Variants in ANKRD44 observed in about 807,000 individuals in gnomAD.
ANKRD44 encodes ankyrin repeat domain 44.
Under a neutral mutation model 116.0 loss-of-function variants are expected in ANKRD44, and 35 were observed. The observed-to-expected ratio is 0.30, with a 90% CI of 0.23 to 0.40. The LOEUF (loss-of-function observed/expected upper bound fraction) is 0.40, where lower values mean the gene tolerates loss of function less well. Ranked by LOEUF, ANKRD44 falls within the 10% of genes least tolerant of loss-of-function variation. The probability of loss-of-function intolerance (pLI) is 1.00; values close to 1 mark genes in which losing one functional copy is unlikely to be tolerated. For synonymous variants in ANKRD44, 435 were observed against 461.8 expected, an observed-to-expected ratio of 0.94 and a Z score of 0.74; for missense variants, 1,014 against 1,242.6, an observed-to-expected ratio of 0.82 and a Z score of 2.77.
rs2075875827 is a variant in ANKRD44, at chr2:196,989,218, A to G, written c.*373T>C. ...TGGATGTTTCCTCACCATTTGTTTC[A>G]TTTCAAATAAATATAAACACATTTA... On this transcript the variant is annotated 3_prime_UTR_variant, in exon 28 of 28. Coordinates refer to ENST00000282272, the MANE Select transcript of ANKRD44 (RefSeq NM_001195144.2). The G allele has an allele frequency of 2.0e-6, 2 of 982,550 alleles. No homozygotes were observed. Among genetic ancestry groups the G allele is most frequent in the Non-Finnish European group, 2.4e-6 (2 of 828,050 alleles). The allele number at this position is 982,550 out of a possible 1,614,324, so 60.9% of individuals were successfully genotyped here.
At chr2:197,274,909 T>C (rs72928790) in intron 1 of ANKRD44, among the ~76,000 whole-genome samples, 34,686 of 151,708 alleles carry the variant, frequency 0.23, 4,156 homozygotes, top group Middle Eastern at 0.3. Flanking sequence ...GCCTGGGCAA[T>C]ATAGAGAAAC....
intron 21 of ANKRD44, among the ~76,000 whole-genome samples, chr2:196,968,659 C>A (rs918737836): frequency 6.6e-6 from 1 of 152,196 alleles, no homozygotes; most frequent in Non-Finnish European, 1.5e-5. Flanking sequence ...GAACATACCT[C>A]ATTTATCTGG....
At chr2:197,108,863 AACAAC>A (rs1355917865) in intron 9 of ANKRD44, among the ~76,000 whole-genome samples, 4 of 148,420 alleles carry the variant, frequency 2.7e-5, no homozygotes, top group African/African-American at 7.9e-5. Context: ...CAACAACAAC[AACAAC>A]AACAAAAACA....
Position 196,987,496 on chromosome 2 carries a change from A to G in ANKRD44, c.*2095T>C. 1.0e-6 allele frequency: 1 copy of G among 985,374 alleles called. No homozygotes were observed. Among genetic ancestry groups the G allele is most frequent in the African/African-American group, 1.7e-5 (1 of 57,380 alleles). 61.0% of individuals were successfully genotyped at this position (985,374 alleles called of 1,614,324 possible). On this transcript the variant is annotated 3_prime_UTR_variant, in exon 28 of 28. Coordinates refer to ENST00000282272, the MANE Select transcript of ANKRD44 (RefSeq NM_001195144.2). ...ACCAACACAACATATAAGCACACCA[A>G]GTTGCTCAACAGTACAAAGAATAAC...
chr2:197,252,438 T>TCG (rs1491171796), intron 1 of ANKRD44, among the ~76,000 whole-genome samples: 1 of 149,994 alleles, frequency 6.7e-6, no homozygotes, highest in Non-Finnish European at 1.5e-5. Flanking sequence ...GGAGTCGGAG[T>TCG]CTCTGTCGCC....
intron 8 of ANKRD44, among the ~76,000 whole-genome samples, chr2:197,121,078 G>T (rs368448773): frequency 6.6e-6 from 1 of 151,778 alleles, no homozygotes; most frequent in Non-Finnish European, 1.5e-5. Flanking sequence ...GCAGGCACCC[G>T]CCACCACGCC....
intron 9 of ANKRD44, among the ~76,000 whole-genome samples, chr2:197,102,641 A>C (rs2078320727): frequency 6.6e-6 from 1 of 152,090 alleles, no homozygotes; most frequent in Admixed American, 6.5e-5. Context: ...CATTTTTCTA[A>C]GTTTGTGTGT....
At chr2:197,082,031 T>C (rs769327886) in intron 14 of ANKRD44, among the ~76,000 whole-genome samples, 121 of 152,276 alleles carry the variant, frequency 7.9e-4, no homozygotes, top group Middle Eastern at 3.4e-3. Flanking sequence ...AAGAAGTGAG[T>C]TAGCTAAAAC....
At chr2:197,068,350 T>A (rs1574392252) in intron 16 of ANKRD44, among the ~76,000 whole-genome samples, 2 of 123,020 alleles carry the variant, frequency 1.6e-5, no homozygotes, top group African/African-American at 3.0e-5. Flanking sequence ...ACCCTAAAAC[T>A]TAGAGTATAA....
At chr2:197,275,764 C>T (rs1429165416) in intron 1 of ANKRD44, among the ~76,000 whole-genome samples, 5 of 152,000 alleles carry the variant, frequency 3.3e-5, no homozygotes, top group Admixed American at 6.6e-5. Flanking sequence ...GGAGCAGGAA[C>T]GCTACAGTCC....
rs749658598 is a variant in ANKRD44 at position 197,081,745 on chromosome 2, G to T, written c.1458-20C>A. Reference sequence around the variant, plus strand: ...GTCTTACTTCTCAGCATAAAGGATAGAAAAAAAAATTGCAATTAATTTTTT... The same window carrying T: ...GTCTTACTTCTCAGCATAAAGGATATAAAAAAAAATTGCAATTAATTTTTT... On this transcript the variant is annotated intron_variant, in intron 14 of 27. Coordinates refer to ENST00000282272, the MANE Select transcript of ANKRD44 (RefSeq NM_001195144.2). The T allele has an allele frequency of 2.5e-6, 4 of 1,574,732 alleles. No homozygotes were observed. Among genetic ancestry groups the T allele is most frequent in the East Asian group, 4.5e-5 (2 of 44,206 alleles).
chr2:197,290,665 T>A (rs1232794457), intron 1 of ANKRD44, among the ~76,000 whole-genome samples: 1 of 152,214 alleles, frequency 6.6e-6, no homozygotes, highest in Admixed American at 6.5e-5. Context: ...TACTAATTTA[T>A]CAAATTTTAT....
chr2:197,048,393 A>G (rs1051426092), intron 16 of ANKRD44, among the ~76,000 whole-genome samples: 12 of 151,946 alleles, frequency 7.9e-5, no homozygotes, highest in Non-Finnish European at 1.3e-4. Flanking sequence ...CCTGTGTCCA[A>G]GTGTTCTCAT....
Position 196,987,932 on chromosome 2 carries a change from C to T in ANKRD44, c.*1659G>A. The stretch of plus-strand genomic sequence containing the variant: ...GAAATGATAGTTTTTAAAGTCATTT[C>T]TTTAAAAAAATTTTGCCTTGGGGTA... On this transcript the variant is annotated 3_prime_UTR_variant, in exon 28 of 28. Transcript: ENST00000282272. 1.0e-6 allele frequency: 1 copy of T among 984,128 alleles called. No individual in the cohort carries two copies. Among genetic ancestry groups the T allele is most frequent in the Non-Finnish European group, 1.2e-6 (1 of 829,168 alleles). 61.0% of individuals were successfully genotyped at this position (984,128 alleles called of 1,614,324 possible).
At chr2:196,984,317 C>T (rs1037412899), downstream of ANKRD44, among the ~76,000 whole-genome samples, 4 of 152,114 alleles carry the variant, frequency 2.6e-5, no homozygotes, top group African/African-American at 9.7e-5. Context: ...ATTGTGCCAA[C>T]TACAAATGCC....
At chr2:197,245,619 G>A (rs2082174167) in intron 1 of ANKRD44, among the ~76,000 whole-genome samples, 1 of 152,146 alleles carries the variant, frequency 6.6e-6, no homozygotes, top group Non-Finnish European at 1.5e-5. Flanking sequence ...CACCTAAAGG[G>A]GAAGGGAGAA....
intron 16 of ANKRD44, among the ~76,000 whole-genome samples, chr2:197,046,443 T>C (rs1240493757): frequency 6.6e-6 from 1 of 152,158 alleles, no homozygotes; most frequent in African/African-American, 2.4e-5. Context: ...GGGTCTTAGT[T>C]TGTCATTTCC....
intron 16 of ANKRD44, among the ~76,000 whole-genome samples, chr2:197,061,498 G>GT (rs1321602846): frequency 6.6e-6 from 1 of 152,192 alleles, no homozygotes; most frequent in East Asian, 1.9e-4. Context: ...ACTACAGAAA[G>GT]TAAAAACAGG....
At position 197,009,051 on chromosome 2, in the gene ANKRD44, A is replaced by G. The variant is rs1273725908; in HGVS notation, c.1925-20T>C. ...TAATTACTGAAAAAGAAAACAGTGG[A>G]CAGTCTTTTAACAGAACAACACTAC... On this transcript the variant is annotated intron_variant, in intron 18 of 27. Coordinates refer to ENST00000282272, the MANE Select transcript of ANKRD44 (RefSeq NM_001195144.2). 6.3e-7 allele frequency: 1 copy of G among 1,595,364 alleles called. No individual in the cohort carries two copies. The highest frequency in any genetic ancestry group is 1.1e-5 in the South Asian group (1 of 90,706).
Sources: allele counts gnomAD v4.1 joint callset (sites outside exome capture counted in the v4.1 genomes callset), GRCh38; gene constraint gnomAD v4.1.1; transcripts MANE v1.5; gene names NCBI Gene and HGNC (gene_info 2026-07-23, HGNC 2026-07-21).